BCL2L11: variants seen among roughly 807,000 people sequenced by gnomAD.
The protein encoded by BCL2L11 is bcl-2-like protein 11.
Under a neutral mutation model 20.6 loss-of-function variants are expected in BCL2L11, and 15 were observed. That is an observed-to-expected ratio of 0.73 (90% CI 0.49 to 1.12). The LOEUF (loss-of-function observed/expected upper bound fraction) is 1.12, where lower values mean the gene tolerates loss of function less well. Ranked by LOEUF, BCL2L11 falls within the 50% of genes most tolerant of loss-of-function variation. BCL2L11 has a pLI of 0.00. For missense variants in BCL2L11, 292 were observed against 260.9 expected, an observed-to-expected ratio of 1.12 and a Z score of -0.82; for synonymous variants, 108 against 92.8, an observed-to-expected ratio of 1.16 and a Z score of -0.94.
intron 1 of BCL2L11, chr2:111,123,523 A>G (rs575351158): frequency 5.1e-6 from 5 of 985,306 alleles, no homozygotes; most frequent in Admixed American, 6.1e-5. Context: ...TTGTTACTGT[A>G]TTTTGTTTGG....
chr2:111,142,289 A>G, intron 2 of BCL2L11: 1 of 1,544,858 alleles, frequency 6.5e-7, no homozygotes, highest in South Asian at 1.2e-5. Context: ...CAATTTATTT[A>G]TACAACATTT....
chr2:111,153,626 G>GT (rs1403425939), intron 3 of BCL2L11, among the ~76,000 whole-genome samples: 2 of 152,196 alleles, frequency 1.3e-5, no homozygotes, highest in East Asian at 3.8e-4. Flanking sequence ...GCAAGCGAGT[G>GT]TATCTCACTG....
At chr2:111,124,614 C>T (rs1421693720) in intron 2 of BCL2L11, among the ~76,000 whole-genome samples, 1 of 152,166 alleles carries the variant, frequency 6.6e-6, no homozygotes. Context: ...TACAAAGTTA[C>T]TAACTTTTGT....
rs374113177 is a variant in BCL2L11 at position 111,137,096 on chromosome 2, G to T, written c.395-12948G>T. Reference sequence around the variant, plus strand: ...CCAATTCCGATTTTATATGCCTTAGGGGGGACTTCTTACTAAAGATTCAGA... The same window carrying T: ...CCAATTCCGATTTTATATGCCTTAGTGGGGACTTCTTACTAAAGATTCAGA... On this transcript the variant is annotated intron_variant, in intron 2 of 3. Transcript: ENST00000393256. Among the ~76,000 whole-genome samples the T allele has an allele frequency of 8.5e-5, 13 of 152,232 alleles. 3 individuals carry two copies. Among genetic ancestry groups the T allele is most frequent in the African/African-American group, 2.6e-4 (11 of 41,532 alleles).
chr2:111,145,915 G>A, intron 2 of BCL2L11: 1 of 860,124 alleles, frequency 1.2e-6, no homozygotes, highest in South Asian at 5.4e-5. Context: ...TTGATTAGTG[G>A]CTTTCTTTTT....
chr2:111,131,695 G>C (rs953662175), intron 2 of BCL2L11: 5 of 151,556 alleles, frequency 3.3e-5, no homozygotes, highest in African/African-American at 1.2e-4. Flanking sequence ...TCTTCTTATT[G>C]TTTTCTCAGA....
At chr2:111,162,917 A>C (rs1443553961) in intron 3 of BCL2L11, 1 of 152,264 alleles carries the variant, frequency 6.6e-6, no homozygotes, top group Admixed American at 6.5e-5. Flanking sequence ...AAAACAAAGC[A>C]ATCTTGTGTG....
intron 1 of BCL2L11, among the ~76,000 whole-genome samples, chr2:111,121,923 C>G (rs1469776603): frequency 1.3e-5 from 2 of 152,186 alleles, no homozygotes; most frequent in African/African-American, 4.8e-5. Flanking sequence ...GCCGGGCTAT[C>G]TTAGCGGCTC....
In BCL2L11 at chr2:111,147,327, A is replaced by ATCTCTCTCTCTC. The variant is rs367737247; in HGVS notation, c.395-2708_395-2697dup. ...GACTTGAAAGAGTACAGCCTCCTGT[A>ATCTCTCTCTCTC]TCTCTCTCTCTCTCTCTCTCACACA... On this transcript the variant is annotated intron_variant, in intron 2 of 3. Transcript: ENST00000393256. Among the ~76,000 whole-genome samples, 109 of 125,886 alleles carry ATCTCTCTCTCTC rather than the reference A, an allele frequency of 8.7e-4. 1 individual carries two copies. Among genetic ancestry groups the ATCTCTCTCTCTC allele is most frequent in the Non-Finnish European group, 1.1e-3 (70 of 61,492 alleles). The allele number at this position is 125,886 out of a possible 152,430, so 82.6% of individuals were successfully genotyped here. A position where few individuals can be genotyped will look rare whatever the true frequency, so the allele number is the denominator to read the frequency against.
intron 3 of BCL2L11, among the ~76,000 whole-genome samples, chr2:111,150,777 T>C (rs1052125387): frequency 2.0e-5 from 3 of 152,242 alleles, no homozygotes; most frequent in Admixed American, 2.0e-4. Flanking sequence ...TTTTAAAAAT[T>C]TTAGCCTATG....
rs2078938642 is a variant in BCL2L11, at chr2:111,164,643, CAG to C, written c.*415_*416del. ...ATTTTAAGAACCTACGGCCTATTCT[CAG>C]AGGATTATGTAACCCCTGCAGTGGA... On this transcript the variant is annotated 3_prime_UTR_variant, in exon 4 of 4. Transcript: ENST00000393256. The C allele has an allele frequency of 6.3e-6, 1 of 158,378 alleles. No individual in the cohort carries two copies. Among genetic ancestry groups the C allele is most frequent in the South Asian group, 1.9e-4 (1 of 5,348 alleles). The allele number at this position is 158,378 out of a possible 1,614,324, so 9.8% of individuals were successfully genotyped here. A position where few individuals can be genotyped will look rare whatever the true frequency, so the allele number is the denominator to read the frequency against.
chr2:111,123,390 T>A, intron 1 of BCL2L11: 1 of 985,474 alleles, frequency 1.0e-6, no homozygotes, highest in Non-Finnish European at 1.2e-6. Flanking sequence ...TCAGAGCCGC[T>A]GGGAGTTTCT....
At position 111,150,039 on chromosome 2, in the gene BCL2L11, T is replaced by A. The variant is rs1575137182; in HGVS notation, c.395-5T>A. 3 of 1,613,068 alleles carry A rather than the reference T, an allele frequency of 1.9e-6. No individual in the cohort carries two copies. The highest frequency in any genetic ancestry group is 2.5e-6 in the Non-Finnish European group (3 of 1,179,422). ...TGATTTTTGTTTTGTTTTGTTCTGA[T>A]GCAGCTTCCATGAGGCAGGCTGAAC... On this transcript the variant is annotated splice_polypyrimidine_tract_variant and splice_region_variant and intron_variant, in intron 2 of 3. Coordinates refer to ENST00000393256, the MANE Select transcript of BCL2L11 (RefSeq NM_138621.5).
intron 2 of BCL2L11, among the ~76,000 whole-genome samples, chr2:111,147,344 T>TCACACACACACA (rs1449890383): frequency 7.5e-6 from 1 of 132,598 alleles, no homozygotes; most frequent in Admixed American, 7.7e-5. Context: ...TCTCTCTCTC[T>TCACACACACACA]CTCACACACA....
chr2:111,159,404 G>A (rs1451895637), intron 3 of BCL2L11, among the ~76,000 whole-genome samples: 2 of 152,206 alleles, frequency 1.3e-5, no homozygotes, highest in Non-Finnish European at 2.9e-5. Context: ...ATTTCATTTA[G>A]TGGTGGCCAT....
intron 2 of BCL2L11, among the ~76,000 whole-genome samples, chr2:111,147,346 T>TCACACACACA (rs70962921): frequency 3.6e-5 from 5 of 137,332 alleles, no homozygotes; most frequent in South Asian, 2.4e-4. Flanking sequence ...TCTCTCTCTC[T>TCACACACACA]CACACACACA....
intron 2 of BCL2L11, among the ~76,000 whole-genome samples, chr2:111,140,529 G>A (rs944376046): frequency 1.3e-5 from 2 of 152,198 alleles, no homozygotes; most frequent in Admixed American, 1.3e-4. Context: ...GTGCATCTGC[G>A]AAGGTGTCTG....
At position 111,123,803 on chromosome 2, in the gene BCL2L11, C is replaced by G; in HGVS notation, c.58C>G (p.Gln20Glu). The G allele has an allele frequency of 6.8e-7, 1 of 1,480,724 alleles. No individual in the cohort carries two copies. The highest frequency in any genetic ancestry group is 9.0e-7 in the Non-Finnish European group (1 of 1,113,636). 91.7% of individuals were successfully genotyped at this position (1,480,724 alleles called of 1,614,324 possible). A position where few individuals can be genotyped will look rare whatever the true frequency, so the allele number is the denominator to read the frequency against. ...SECDREGRQL[Q>E]PAERPPQLRP... ...GTGTGACCGAGAAGGTAGACAATTG[C>G]AGCCTGCGGAGAGGCCTCCCCAGCT... The change falls in exon 2 of 4, where the codon CAG (glutamine) becomes GAG (glutamate). Residue 20 changes from glutamine (Q) to glutamate (E), a missense_variant. By Grantham distance (29) the Gln-to-Glu change is conservative. Transcript: ENST00000393256.
chr2:111,123,530 T>G, intron 1 of BCL2L11: 1 of 985,306 alleles, frequency 1.0e-6, no homozygotes, highest in Non-Finnish European at 1.2e-6. Context: ...TGTATTTTGT[T>G]TGGGGGTACC....
Sources: gnomAD v4.1 joint callset for allele counts (sites outside exome capture counted in the v4.1 genomes callset) on GRCh38, gnomAD v4.1.1 for gene constraint, MANE v1.5 for transcripts, NCBI Gene and HGNC (gene_info 2026-07-23, HGNC 2026-07-21) for gene names.